The following NFATC2 variants were observed in gnomAD, a reference collection of about 807,000 sequenced individuals.
The protein encoded by NFATC2 is nuclear factor of activated T cells 2, also known as nuclear factor of activated T-cells, cytoplasmic 2.
In NFATC2, 22 loss-of-function variants were observed where a neutral mutation model predicts 87.3. The ratio of observed to expected loss-of-function variants is 0.25; its 90% CI spans 0.18 to 0.36. The LOEUF (loss-of-function observed/expected upper bound fraction) is 0.36. Ranked by LOEUF, NFATC2 falls within the 10% of genes least tolerant of loss-of-function variation. The pLI is 1.00. For missense variants in NFATC2, 1,149 were observed against 1,259.1 expected (o/e 0.91, Z 1.32); for synonymous variants, 565 against 542.2 (o/e 1.04, Z -0.58).
intron 9 of NFATC2, among the ~76,000 whole-genome samples, chr20:51,413,980 G>A (rs892726995): frequency 2.6e-5 from 4 of 152,150 alleles, no homozygotes; most frequent in African/African-American, 9.7e-5. Context: ...AGCATGAGCT[G>A]CTATTATCAT....
At chr20:51,447,398 G>T (rs113820366) in intron 6 of NFATC2, among the ~76,000 whole-genome samples, 3 of 152,192 alleles carry the variant, frequency 2.0e-5, no homozygotes, top group Non-Finnish European at 4.4e-5. Context: ...CTACGCCCCC[G>T]CAGGACACAC....
At chr20:51,486,410 C>T (rs1989713988) in intron 3 of NFATC2, among the ~76,000 whole-genome samples, 1 of 152,158 alleles carries the variant, frequency 6.6e-6, no homozygotes, top group Admixed American at 6.5e-5. Flanking sequence ...AACATTCTTC[C>T]CCTGGGTCTT....
intron 9 of NFATC2, among the ~76,000 whole-genome samples, chr20:51,424,687 T>C (rs920657433): frequency 6.6e-6 from 1 of 152,104 alleles, no homozygotes; most frequent in East Asian, 1.9e-4. Flanking sequence ...TGGGTCCCCA[T>C]TGACCAAATG....
intron 3 of NFATC2, among the ~76,000 whole-genome samples, chr20:51,478,896 C>A (rs6021233): frequency 0.49 from 74,565 of 151,980 alleles, 19,952 homozygotes; most frequent in African/African-American, 0.71. Flanking sequence ...CACCTAGAAT[C>A]CTCTTCCACT....
chr20:51,537,861 C>A (rs972596823), intron 1 of NFATC2, among the ~76,000 whole-genome samples: 1 of 152,208 alleles, frequency 6.6e-6, no homozygotes, highest in African/African-American at 2.4e-5. Flanking sequence ...GTCTTCTTTG[C>A]ACATCTCTAG....
intron 9 of NFATC2, among the ~76,000 whole-genome samples, chr20:51,428,151 A>T (rs990410990): frequency 6.6e-6 from 1 of 152,016 alleles, no homozygotes; most frequent in Non-Finnish European, 1.5e-5. Context: ...AGGACAGAGG[A>T]ATAGGGGAGA....
At chr20:51,492,563 GC>G (rs1416529972) in intron 3 of NFATC2, among the ~76,000 whole-genome samples, 2 of 152,198 alleles carry the variant, frequency 1.3e-5, no homozygotes, top group Non-Finnish European at 2.9e-5. Flanking sequence ...CCCTTTTCCG[GC>G]CGAGGAACAC....
intron 3 of NFATC2, among the ~76,000 whole-genome samples, chr20:51,500,230 T>C (rs1356531928): frequency 6.6e-6 from 1 of 152,052 alleles, no homozygotes; most frequent in East Asian, 1.9e-4. Context: ...GATACATGAA[T>C]CAGACACACC....
At chr20:51,445,198 C>A (rs1984898545) in intron 6 of NFATC2, among the ~76,000 whole-genome samples, 1 of 151,978 alleles carries the variant, frequency 6.6e-6, no homozygotes, top group East Asian at 1.9e-4. Context: ...CTGGGCCTGC[C>A]CCCCGCAGCA....
intron 6 of NFATC2, among the ~76,000 whole-genome samples, chr20:51,451,612 C>T (rs984538955): frequency 6.6e-6 from 1 of 152,234 alleles, no homozygotes; most frequent in African/African-American, 2.4e-5. Flanking sequence ...AGGCGCACAG[C>T]AGTAAGTGGG....
chr20:51,442,118 AACATG>A (rs1167026529), intron 6 of NFATC2, among the ~76,000 whole-genome samples: 3 of 152,178 alleles, frequency 2.0e-5, no homozygotes, highest in Non-Finnish European at 2.9e-5. Flanking sequence ...CTAACCTGAA[AACATG>A]ACCCTGTTAT....
intron 1 of NFATC2, among the ~76,000 whole-genome samples, chr20:51,536,540 T>G (rs2076722939): frequency 6.6e-6 from 1 of 152,206 alleles, no homozygotes. Context: ...CTGATATGGC[T>G]GGAGAGCCTT....
At position 51,432,855 on chromosome 20, in the gene NFATC2, T is replaced by C; in HGVS notation, c.2033-99A>G. On this transcript the variant is annotated intron_variant, in intron 8 of 10. Transcript: ENST00000371564. This position sits in a 1 kb window ranked among gnomAD's most constrained non-coding sequence, Gnocchi z 4.6. ...GTGCTTGAGAACATGGCCTTGGGAG[T>C]CCATACGGGTGGGACAAACAGCTGG... The C allele has an allele frequency of 1.9e-6, 2 of 1,063,344 alleles. No homozygotes were observed. The highest frequency in any genetic ancestry group is 2.6e-6 in the Non-Finnish European group (2 of 784,168). The allele number at this position is 1,063,344 out of a possible 1,614,324, so 65.9% of individuals were successfully genotyped here. A position where few individuals can be genotyped will look rare whatever the true frequency, so the allele number is the denominator to read the frequency against.
chr20:51,449,349 C>T (rs1985484692), intron 6 of NFATC2, among the ~76,000 whole-genome samples: 1 of 152,166 alleles, frequency 6.6e-6, no homozygotes, highest in South Asian at 2.1e-4. Context: ...AGGCGAGCCC[C>T]CTCTCTGCAG....
Position 51,475,439 on chromosome 20 carries a change from C to T in NFATC2, c.1535+19G>A. On this transcript the variant is annotated intron_variant, in intron 4 of 10. Transcript: ENST00000371564. ...CGCTTCTCCATGAAGACCCGCCGCC[C>T]TCAGCTCCCAGCCCTTACGTTGCCC... The T allele has an allele frequency of 6.2e-7, 1 of 1,612,898 alleles. No individual in the cohort carries two copies. Among genetic ancestry groups the T allele is most frequent in the Middle Eastern group, 1.9e-4 (1 of 5,234 alleles).
chr20:51,435,067 G>A (rs1350731516), intron 8 of NFATC2, 121 bp downstream of exon 8: 9 of 1,221,220 alleles, frequency 7.4e-6, no homozygotes, highest in Non-Finnish European at 9.2e-6. Context: ...ATGCAACTGA[G>A]GCTCAGAGAG....
chr20:51,430,050 G>A (rs773629773), intron 9 of NFATC2, among the ~76,000 whole-genome samples: 1 of 152,122 alleles, frequency 6.6e-6, no homozygotes. Flanking sequence ...TGGATCCGGG[G>A]CTGCCATAGC....
chr20:51,535,776 T>C (rs967181433), intron 1 of NFATC2, among the ~76,000 whole-genome samples: 1 of 152,232 alleles, frequency 6.6e-6, no homozygotes, highest in African/African-American at 2.4e-5. Flanking sequence ...CATTCTCACT[T>C]TTGCAGGCAT....
Position 51,394,155 on chromosome 20 carries a change from G to A in NFATC2, c.*45-2704C>T, listed in dbSNP as rs139345723. On this transcript the variant is annotated intron_variant, in intron 10 of 10. Coordinates refer to ENST00000371564, the MANE Select transcript of NFATC2 (RefSeq NM_012340.5). ...AGGAACCTCCTCTTTCTGAAATGTC[G>A]GCACTTGTTCCCCTGACTGCCAACA... Among the ~76,000 whole-genome samples, 269 of 152,112 alleles carry A rather than the reference G, an allele frequency of 1.8e-3. 1 individual carries two copies. Among genetic ancestry groups the A allele is most frequent in the Non-Finnish European group, 3.0e-3 (206 of 67,994 alleles).
Sources: gnomAD v4.1 joint callset for allele counts (sites outside exome capture counted in the v4.1 genomes callset) on GRCh38, gnomAD v4.1.1 for gene constraint, Gnocchi (gnomAD v3.1) non-coding constraint, MANE v1.5 for transcripts, NCBI Gene and HGNC (gene_info 2026-07-23, HGNC 2026-07-21) for gene names.